PGAP4: variants seen among roughly 807,000 people sequenced by gnomAD.
The protein encoded by PGAP4 is post-GPI attachment to proteins GalNAc transferase 4.
A neutral mutation model predicts 28.2 loss-of-function variants in PGAP4; 12 were observed. That is an observed-to-expected ratio of 0.42 (90% CI 0.27 to 0.69). The LOEUF is 0.69. PGAP4 is among the 30% of genes least tolerant of loss of function. PGAP4 has a pLI of 0.22. For missense variants in PGAP4, 425 were observed against 513.5 expected, an observed-to-expected ratio of 0.83 and a Z score of 1.67; for synonymous variants, 205 against 211.8, an observed-to-expected ratio of 0.97 and a Z score of 0.28.
chr9:101,511,098 A>G (rs1826894232), intron 2 of PGAP4, among the ~76,000 whole-genome samples: 1 of 152,222 alleles, frequency 6.6e-6, no homozygotes. Context: ...CATAAGGAGC[A>G]TGAAACCTAG....
intron 2 of PGAP4, among the ~76,000 whole-genome samples, chr9:101,495,876 A>C (rs924850434): frequency 6.6e-6 from 1 of 151,270 alleles, no homozygotes; most frequent in Non-Finnish European, 1.5e-5. Context: ...ATCCTCCCAT[A>C]GTGTGATTAC....
intron 1 of PGAP4, 66 bp from the exon 2 acceptor site, chr9:101,477,235 A>C (rs74720238): frequency 9.9e-5 from 95 of 962,010 alleles, no homozygotes; most frequent in African/African-American, 1.3e-4. Flanking sequence ...AACAAACAAA[A>C]AAACAAAAGG....
intron 2 of PGAP4, among the ~76,000 whole-genome samples, chr9:101,497,044 A>T (rs1316896708): frequency 6.6e-6 from 1 of 150,750 alleles, no homozygotes; most frequent in Non-Finnish European, 1.5e-5. Flanking sequence ...AGGAAGCAAG[A>T]AATCTGGAAT....
At chr9:101,496,336 G>A (rs1826747600) in intron 2 of PGAP4, among the ~76,000 whole-genome samples, 1 of 151,396 alleles carries the variant, frequency 6.6e-6, no homozygotes, top group Non-Finnish European at 1.5e-5. Flanking sequence ...TGTGTGATCT[G>A]CAAATCATGT....
intron 2 of PGAP4, among the ~76,000 whole-genome samples, chr9:101,519,072 G>A (rs533681261): frequency 2.6e-5 from 4 of 152,206 alleles, no homozygotes; most frequent in Non-Finnish European, 5.9e-5. Context: ...TTAGTGATGT[G>A]AACACTTTTT....
At chr9:101,511,232 G>A (rs1432583900) in intron 2 of PGAP4, among the ~76,000 whole-genome samples, 1 of 152,140 alleles carries the variant, frequency 6.6e-6, no homozygotes, top group Non-Finnish European at 1.5e-5. Flanking sequence ...TTTAAATACA[G>A]ATAAAGCTTC....
At chr9:101,511,119 T>C (rs901962297) in intron 2 of PGAP4, among the ~76,000 whole-genome samples, 3 of 152,176 alleles carry the variant, frequency 2.0e-5, no homozygotes, top group African/African-American at 7.2e-5. Flanking sequence ...ATCCCTCACA[T>C]GTGCAGTTCA....
upstream of PGAP4, among the ~76,000 whole-genome samples, chr9:101,491,505 A>G (rs1008374061): frequency 6.6e-6 from 1 of 152,108 alleles, no homozygotes. Context: ...CATTTTGTAC[A>G]TAGGCCCATT....
At chr9:101,523,451 T>C (rs917350018) in intron 2 of PGAP4, among the ~76,000 whole-genome samples, 1 of 151,764 alleles carries the variant, frequency 6.6e-6, no homozygotes, top group African/African-American at 2.4e-5. Context: ...GAACACCTTT[T>C]CTTTGAGTTC....
At chr9:101,482,217 G>A (rs950982907) in intron 1 of PGAP4, among the ~76,000 whole-genome samples, 1 of 152,244 alleles carries the variant, frequency 6.6e-6, no homozygotes, top group South Asian at 2.1e-4. Context: ...GGACGCCGAG[G>A]CAGGCGGATC....
intron 2 of PGAP4, among the ~76,000 whole-genome samples, chr9:101,528,365 A>G (rs1827054314): frequency 6.6e-6 from 1 of 152,224 alleles, no homozygotes; most frequent in African/African-American, 2.4e-5. Flanking sequence ...CTTGCCTACC[A>G]AGGCCATGAA....
rs15889 is a variant in PGAP4, at chr9:101,475,860, A to C, written c.*21T>G. On this transcript the variant is annotated 3_prime_UTR_variant, in exon 2 of 2. Transcript: ENST00000374848. ...GAATCTTCAAGAAGTGGCCAACTTC[A>C]GAAAGGCATCTCTTGGCACCCTAGA... The C allele has an allele frequency of 0.2, 313,375 of 1,595,410 alleles. 34,745 individuals carry two copies. The highest frequency in any genetic ancestry group is 0.38 in the East Asian group (17,055 of 44,738).
At chr9:101,517,738 G>A (rs1256029775) in intron 2 of PGAP4, among the ~76,000 whole-genome samples, 1 of 152,128 alleles carries the variant, frequency 6.6e-6, no homozygotes, top group Admixed American at 6.6e-5. Context: ...ACAGCTCAGT[G>A]ACTGCTGTGA....
At position 101,474,667 on chromosome 9, in the gene PGAP4, G is replaced by A. The variant is rs1027650830; in HGVS notation, c.*1214C>T. 9.2e-5 allele frequency: 14 copies of A among 152,138 alleles called. No individual in the cohort carries two copies. Among genetic ancestry groups the A allele is most frequent in the Admixed American group, 7.9e-4 (12 of 15,276 alleles). The allele number at this position is 152,138 out of a possible 1,614,324, so 9.4% of individuals were successfully genotyped here. A position where few individuals can be genotyped will look rare whatever the true frequency, so the allele number is the denominator to read the frequency against. The stretch of plus-strand genomic sequence containing the variant: ...CATCTGGAATAGCTGGTACATAGGT[G>A]GCAGCTCCATGCCCTATCTCATACT... On this transcript the variant is annotated 3_prime_UTR_variant, in exon 2 of 2. Coordinates refer to ENST00000374848, the MANE Select transcript of PGAP4 (RefSeq NM_032342.3).
chr9:101,507,983 A>G (rs1046336657), intron 2 of PGAP4, among the ~76,000 whole-genome samples: 1 of 152,206 alleles, frequency 6.6e-6, no homozygotes, highest in South Asian at 2.1e-4. Context: ...TCCTCATTTG[A>G]AATGCTATCA....
upstream of PGAP4, among the ~76,000 whole-genome samples, chr9:101,490,923 C>T (rs1465101639): frequency 1.3e-5 from 2 of 152,156 alleles, no homozygotes; most frequent in African/African-American, 2.4e-5. Flanking sequence ...TTATGCCACA[C>T]GTTGGCTATT....
chr9:101,487,715 A>C (rs528977037), upstream of PGAP4, among the ~76,000 whole-genome samples: 1 of 152,208 alleles, frequency 6.6e-6, no homozygotes, highest in African/African-American at 2.4e-5. Context: ...TAGCAACTAC[A>C]GTTTGCTGCC....
intron 2 of PGAP4, among the ~76,000 whole-genome samples, chr9:101,513,161 T>C (rs1331458432): frequency 6.6e-6 from 1 of 151,396 alleles, no homozygotes; most frequent in African/African-American, 2.4e-5. Flanking sequence ...ATACAGACTG[T>C]GTGCTGAGCA....
chr9:101,523,642 T>TGGA (rs1827008175), intron 2 of PGAP4, among the ~76,000 whole-genome samples: 1 of 138,316 alleles, frequency 7.2e-6, no homozygotes, highest in Non-Finnish European at 1.6e-5. Flanking sequence ...TTTTTTTTTT[T>TGGA]TTTTTTTTTT....
Sources: gnomAD v4.1 joint callset for allele counts (sites outside exome capture counted in the v4.1 genomes callset) on GRCh38, gnomAD v4.1.1 for gene constraint, MANE v1.5 for transcripts, NCBI Gene and HGNC (gene_info 2026-07-23, HGNC 2026-07-21) for gene names.